Variants in LRRC8B observed in about 807,000 individuals in gnomAD.
LRRC8B encodes leucine rich repeat containing 8 VRAC subunit B, also known as volume-regulated anion channel subunit LRRC8B.
LRRC8B carries 23 observed loss-of-function variants against 58.8 expected under a neutral mutation model. The observed-to-expected ratio is 0.39, with a 90% CI of 0.28 to 0.55. The LOEUF (loss-of-function observed/expected upper bound fraction) is 0.55, where lower values mean the gene tolerates loss of function less well. Ranked by LOEUF, LRRC8B falls within the 20% of genes least tolerant of loss-of-function variation. The pLI, the probability that LRRC8B is intolerant of heterozygous loss-of-function variation, is 0.62. For missense variants in LRRC8B, 694 were observed against 936.0 expected (o/e 0.74, Z 3.37); for synonymous variants, 359 against 374.1 (o/e 0.96, Z 0.47).
intron 3 of LRRC8B, among the ~76,000 whole-genome samples, chr1:89,572,039 T>A (rs1340586196): frequency 2.0e-5 from 3 of 152,186 alleles, no homozygotes; most frequent in Non-Finnish European, 4.4e-5. Context: ...ATTGGGAGTC[T>A]AAGTCTCTTT....
In LRRC8B at chr1:89,563,309, C is replaced by T. The variant is rs183412654; in HGVS notation, c.-240-4938C>T. On this transcript the variant is annotated intron_variant, in intron 1 of 5. Transcript: ENST00000330947. ...ACAACCATGATTATAGATTTTAAGT[C>T]GTGACCCTCTGCTTGGGTGACAGTC... 2.6e-5 allele frequency among the ~76,000 whole-genome samples: 4 copies of T among 152,090 alleles called. No homozygotes were observed. The East Asian group carries it at 7.7e-4, about 29-fold the overall frequency.
At chr1:89,572,644 G>A (rs1027892752) in intron 3 of LRRC8B, 1 of 152,184 alleles carries the variant, frequency 6.6e-6, no homozygotes, top group African/African-American at 2.4e-5. Context: ...GACTACATAG[G>A]GAGTGGGTTT....
intron 1 of LRRC8B, among the ~76,000 whole-genome samples, chr1:89,540,181 C>G (rs931222442): frequency 1.3e-5 from 2 of 151,994 alleles, no homozygotes; most frequent in Admixed American, 6.6e-5. Context: ...TTTTATGTTG[C>G]TTATATTTTT....
At chr1:89,533,820 G>T (rs1270354167) in intron 1 of LRRC8B, among the ~76,000 whole-genome samples, 3 of 152,164 alleles carry the variant, frequency 2.0e-5, no homozygotes, top group African/African-American at 7.2e-5. Context: ...CTAGTCTAGG[G>T]TTTCATTTCA....
At chr1:89,556,992 C>G (rs1038866891) in intron 1 of LRRC8B, among the ~76,000 whole-genome samples, 1 of 152,202 alleles carries the variant, frequency 6.6e-6, no homozygotes, top group African/African-American at 2.4e-5. Context: ...CGTGTGCACT[C>G]CATTGGCACA....
At chr1:89,562,887 T>C (rs1038251533) in intron 1 of LRRC8B, among the ~76,000 whole-genome samples, 3 of 152,182 alleles carry the variant, frequency 2.0e-5, no homozygotes, top group African/African-American at 7.2e-5. Context: ...ACCCTTCCTC[T>C]GGCTATCTAG....
At chr1:89,568,899 G>A (rs905057698) in intron 3 of LRRC8B, among the ~76,000 whole-genome samples, 1 of 152,082 alleles carries the variant, frequency 6.6e-6, no homozygotes, top group African/African-American at 2.4e-5. Context: ...GATTTGGTTT[G>A]CATACTTCTA....
intron 1 of LRRC8B, among the ~76,000 whole-genome samples, chr1:89,545,613 C>T (rs557025531): frequency 1.3e-5 from 2 of 152,218 alleles, no homozygotes; most frequent in East Asian, 3.9e-4. Flanking sequence ...TCTATAAAAC[C>T]AATTGGATAT....
chr1:89,562,020 T>C (rs1652695743), intron 1 of LRRC8B, among the ~76,000 whole-genome samples: 1 of 152,158 alleles, frequency 6.6e-6, no homozygotes, highest in South Asian at 2.1e-4. Flanking sequence ...AATGAGTTTA[T>C]TACGAAAGTC....
rs555372382 is a variant in LRRC8B at position 89,527,795 on chromosome 1, A to G, written c.-241+2773A>G. Among the ~76,000 whole-genome samples the G allele has an allele frequency of 2.0e-5, 3 of 152,344 alleles. No individual in the cohort carries two copies. The South Asian group carries it at 6.2e-4, about 32-fold the overall frequency. On this transcript the variant is annotated intron_variant, in intron 1 of 5. Transcript: ENST00000330947. ...CTTAAGTAAAATTAGGCCTAGCTCC[A>G]ATCACTGATCTCTCTCCTAAGTTCT...
chr1:89,525,784 C>T (rs1649647032), intron 1 of LRRC8B, among the ~76,000 whole-genome samples: 1 of 151,450 alleles, frequency 6.6e-6, no homozygotes, highest in African/African-American at 2.4e-5. Flanking sequence ...TCTTTGTGGT[C>T]AAAAAGACAC....
Position 89,582,767 on chromosome 1 carries a change from C to T in LRRC8B, c.117C>T (p.Ala39=), listed in dbSNP as rs144168873. ...YYITLIMLLV[A]VLAGALQLTQ... ...TCACACTGATCATGCTGCTGGTGGCCGTGCTGGCCGGAGCTCTCCAGCTGA... is the reference window on the plus strand; with the variant it reads ...TCACACTGATCATGCTGCTGGTGGCTGTGCTGGCCGGAGCTCTCCAGCTGA... The change falls in exon 5 of 6, where the codon GCC becomes GCT. Residue 39 remains alanine (A), a synonymous_variant. Coordinates refer to ENST00000330947, the MANE Select transcript of LRRC8B (RefSeq NM_001369817.2). The T allele has an allele frequency of 1.6e-3, 2,552 of 1,614,166 alleles. 40 individuals carry two copies. The African/African-American group carries it at 0.029, about 18-fold the overall frequency.
intron 5 of LRRC8B, among the ~76,000 whole-genome samples, chr1:89,587,649 G>C (rs554501128): frequency 2.0e-5 from 3 of 152,312 alleles, no homozygotes; most frequent in African/African-American, 7.2e-5. Context: ...ATTCCTATAA[G>C]AGGCATTTTA....
At chr1:89,526,803 G>A (rs909654345) in intron 1 of LRRC8B, among the ~76,000 whole-genome samples, 1 of 152,168 alleles carries the variant, frequency 6.6e-6, no homozygotes, top group South Asian at 2.1e-4. Flanking sequence ...TCTTTGAAAT[G>A]TGTTCTCTTT....
At position 89,540,063 on chromosome 1, in the gene LRRC8B, C is replaced by T. The variant is rs116663635; in HGVS notation, c.-241+15041C>T. ...TATTATTTTATTTATTACATCTTCACGTATCATTTCTGGATATCTTTAATC... is the reference window on the plus strand; with the variant it reads ...TATTATTTTATTTATTACATCTTCATGTATCATTTCTGGATATCTTTAATC... On this transcript the variant is annotated intron_variant, in intron 1 of 5. Transcript: ENST00000330947. Among the ~76,000 whole-genome samples, 438 of 152,266 alleles carry T rather than the reference C, an allele frequency of 2.9e-3. 3 individuals are homozygous for T. The highest frequency in any genetic ancestry group is 0.01 in the African/African-American group (421 of 41,566).
chr1:89,531,528 A>G (rs984734120), intron 1 of LRRC8B, among the ~76,000 whole-genome samples: 1 of 152,190 alleles, frequency 6.6e-6, no homozygotes, highest in Non-Finnish European at 1.5e-5. Context: ...CTGGCTAGCA[A>G]AGGTGGTCTT....
At position 89,583,944 on chromosome 1, in the gene LRRC8B, C is replaced by T. The variant is rs1380998107; in HGVS notation, c.1294C>T (p.Leu432Phe). The change falls in exon 5 of 6, where the codon CTT becomes TTT. Residue 432 changes from leucine to phenylalanine, a missense_variant. This residue lies in a region of LRRC8B where 162 missense variants were observed against 198.5 expected (regional missense o/e 0.82). Coordinates refer to ENST00000330947, the MANE Select transcript of LRRC8B (RefSeq NM_001369817.2). The surrounding 1 kb of genome is among the most constrained non-coding windows in gnomAD (Gnocchi z 5.2). ...IELHLFMLNG[L>F]PDNVFELTEM... is the part of the protein sequence containing the mutation. ...ACTGCATCTTTTTATGCTCAACGGT[C>T]TTCCAGACAATGTCTTTGAGTTAAC... 6.2e-7 allele frequency: 1 copy of T among 1,614,194 alleles called. No homozygotes were observed. The highest frequency in any genetic ancestry group is 8.5e-7 in the Non-Finnish European group (1 of 1,180,036).
At chr1:89,561,773 C>T (rs1353657639) in intron 1 of LRRC8B, among the ~76,000 whole-genome samples, 8 of 146,140 alleles carry the variant, frequency 5.5e-5, no homozygotes, top group Non-Finnish European at 1.0e-4. Flanking sequence ...CAGTACCATG[C>T]TGTTTTGGTT....
At position 89,595,054 on chromosome 1, in the gene LRRC8B, A is replaced by C. The variant is rs1250306515; in HGVS notation, c.*2011A>C. 3.3e-5 allele frequency: 5 copies of C among 152,246 alleles called. No individual in the cohort carries two copies. Among genetic ancestry groups the C allele is most frequent in the African/African-American group, 1.2e-4 (5 of 41,456 alleles). 9.4% of individuals were successfully genotyped at this position (152,246 alleles called of 1,614,324 possible). A position where few individuals can be genotyped will look rare whatever the true frequency, so the allele number is the denominator to read the frequency against. The stretch of plus-strand genomic sequence containing the variant: ...GAAAAGAATTATTCAAATCAAATGA[A>C]ATTTGAATAATATTAGCTATCAGGA... On this transcript the variant is annotated 3_prime_UTR_variant, in exon 6 of 6. Transcript: ENST00000330947.
Sources: allele counts gnomAD v4.1 joint callset (sites outside exome capture counted in the v4.1 genomes callset), GRCh38; gene constraint gnomAD v4.1.1; regional missense constraint gnomAD v4.1.1; non-coding constraint Gnocchi (gnomAD v3.1); transcripts MANE v1.5; gene names NCBI Gene and HGNC (gene_info 2026-07-23, HGNC 2026-07-21).